ELMOD3: variants seen among roughly 807,000 people sequenced by gnomAD.
ELMOD3 encodes the protein ELMO domain-containing protein 3.
In ELMOD3, 36 loss-of-function variants were observed where a neutral mutation model predicts 47.4. The observed-to-expected ratio is 0.76, with a 90% CI of 0.58 to 1.00. ELMOD3 has a LOEUF of 1.00. ELMOD3 is among the 50% of genes least tolerant of loss of function. The pLI is 0.00. For synonymous variants in ELMOD3, 149 were observed against 183.5 expected, an observed-to-expected ratio of 0.81 and a Z score of 1.52; for missense variants, 404 against 463.8, an observed-to-expected ratio of 0.87 and a Z score of 1.18.
intron 13 of ELMOD3, 182 bp from the exon 14 acceptor site, chr2:85,390,578 T>C: frequency 6.5e-7 from 1 of 1,544,044 alleles, no homozygotes; most frequent in East Asian, 2.3e-5. Context: ...GTGTGGTCCC[T>C]GTGGCTGTAG....
At chr2:85,375,393 C>T (rs1003714283) in intron 10 of ELMOD3, among the ~76,000 whole-genome samples, 1 of 152,134 alleles carries the variant, frequency 6.6e-6, no homozygotes, top group African/African-American at 2.4e-5. Flanking sequence ...TTTTCTGTCC[C>T]TCTGTTGTTC....
chr2:85,389,526 G>A (rs1362823954), intron 11 of ELMOD3: 1 of 587,434 alleles, frequency 1.7e-6, no homozygotes, highest in African/African-American at 1.9e-5. Context: ...AACCTCAGTT[G>A]GTATCCTGGT....
At chr2:85,381,884 G>A (rs145912999) in intron 11 of ELMOD3, among the ~76,000 whole-genome samples, 7,944 of 152,142 alleles carry the variant, frequency 0.052, 241 homozygotes, top group East Asian at 0.089. Context: ...TTGGGAGGCC[G>A]AGGCAGGCAG....
At chr2:85,388,997 A>G (rs1327688871) in intron 11 of ELMOD3, among the ~76,000 whole-genome samples, 1 of 152,226 alleles carries the variant, frequency 6.6e-6, no homozygotes, top group Non-Finnish European at 1.5e-5. Flanking sequence ...CATGTCTGCA[A>G]GTTCCCTGAA....
At chr2:85,363,987 G>C (rs1684164701) in intron 6 of ELMOD3, among the ~76,000 whole-genome samples, 2 of 152,084 alleles carry the variant, frequency 1.3e-5, no homozygotes, top group Non-Finnish European at 2.9e-5. Context: ...AAATTAGCCA[G>C]GTGTAGTGGT....
intron 11 of ELMOD3, among the ~76,000 whole-genome samples, chr2:85,383,069 A>G (rs1685694503): frequency 8.3e-6 from 1 of 119,922 alleles, no homozygotes; most frequent in Non-Finnish European, 1.7e-5. Context: ...AGCAAGTAAA[A>G]CTCCAAAAAA....
At chr2:85,358,862 G>A (rs1020901701) in intron 4 of ELMOD3, among the ~76,000 whole-genome samples, 1 of 152,176 alleles carries the variant, frequency 6.6e-6, no homozygotes, top group Non-Finnish European at 1.5e-5. Flanking sequence ...TGGAGACAAA[G>A]CTACTGCTTC....
At chr2:85,390,683 G>A in intron 13 of ELMOD3, 77 bp from the exon 14 acceptor site, 1 of 1,523,090 alleles carries the variant, frequency 6.6e-7, no homozygotes, top group Admixed American at 2.1e-5. Flanking sequence ...CCCTAGAGCT[G>A]CTAGGCTTGA....
chr2:85,364,804 C>T lies in ELMOD3; in HGVS notation c.199+1638C>T, dbSNP rs1269854747. Among the ~76,000 whole-genome samples, 333 of 78,092 alleles carry T rather than the reference C, an allele frequency of 4.3e-3. 6 individuals carry two copies. Among genetic ancestry groups the T allele is most frequent in the African/African-American group, 0.018 (315 of 17,036 alleles). The allele number at this position is 78,092 out of a possible 152,430, so 51.2% of individuals were successfully genotyped here. ...ACATTAATAATTTTTACTTTAAATA[C>T]ATATATATATATATATATATATTTT... On this transcript the variant is annotated intron_variant, in intron 6 of 13. Transcript: ENST00000409013.
chr2:85,358,622 C>G (rs1431539878), intron 4 of ELMOD3, among the ~76,000 whole-genome samples: 1 of 152,030 alleles, frequency 6.6e-6, no homozygotes, highest in East Asian at 1.9e-4. Flanking sequence ...GGTGTTTTGG[C>G]CTCCATCCTT....
At chr2:85,390,455 T>C (rs1450000621) in intron 13 of ELMOD3, 190 bp downstream of exon 13, 6 of 1,614,058 alleles carry the variant, frequency 3.7e-6, no homozygotes, top group African/African-American at 1.3e-5. Flanking sequence ...GCCCTGACTG[T>C]CGCCCTTTTC....
rs183307680 is a variant in ELMOD3, at chr2:85,369,943, G to A, written c.360+113G>A. ...CAAGCAAATCTCCCCTAAGATCTTG[G>A]TGCCCAGGATCATGGGTGGCCTAGG... On this transcript the variant is annotated intron_variant, in intron 8 of 13. Coordinates refer to ENST00000409013, the MANE Select transcript of ELMOD3 (RefSeq NM_001135022.2). 2.2e-3 allele frequency: 2,967 copies of A among 1,349,908 alleles called. 5 individuals are homozygous for A. The highest frequency in any genetic ancestry group is 2.9e-3 in the Admixed American group (122 of 41,942). 83.6% of individuals were successfully genotyped at this position (1,349,908 alleles called of 1,614,324 possible).
Position 85,372,544 on chromosome 2 carries a change from G to A in ELMOD3, c.607+982G>A, listed in dbSNP as rs1684868187. ...TATCATATATTATTTTACTTTCTGA[G>A]TGAAACAGAATCATTTCACCAGTTT... is the stretch of plus-strand genomic sequence containing the variant. On this transcript the variant is annotated intron_variant, in intron 10 of 13. Coordinates refer to ENST00000409013, the MANE Select transcript of ELMOD3 (RefSeq NM_001135022.2). 2.6e-5 allele frequency: 4 copies of A among 152,192 alleles called. No homozygotes were observed. In the South Asian group the frequency reaches 8.3e-4, roughly 32 times the overall value. 9.4% of individuals were successfully genotyped at this position (152,192 alleles called of 1,614,324 possible).
Position 85,390,900 on chromosome 2 carries a change from C to G in ELMOD3, c.1084C>G (p.Leu362Val). ...YGPEAPPFKDLTFTGESDLQS... is the reference protein window; with the variant it reads ...YGPEAPPFKDVTFTGESDLQS... ...GCCAGAAGCCCCTCCCTTCAAGGAT[C>G]TCACCTTCACAGGTGAGAGTGACCT... The change falls in exon 14 of 14, where the codon CTC becomes GTC. Residue 362 changes from leucine (L) to valine (V), a missense_variant. Transcript: ENST00000409013. 1.3e-6 allele frequency: 2 copies of G among 1,551,730 alleles called. No individual in the cohort carries two copies. Among genetic ancestry groups the G allele is most frequent in the Non-Finnish European group, 1.7e-6 (2 of 1,147,004 alleles).
In ELMOD3 at chr2:85,368,713, A is replaced by G; in HGVS notation, c.227A>G (p.Gln76Arg). 2 of 1,614,134 alleles carry G rather than the reference A, an allele frequency of 1.2e-6. No homozygotes were observed. The highest frequency in any genetic ancestry group is 1.1e-5 in the South Asian group (1 of 91,080). ...GTGAGTACAGAGGTGGTCAGAGCCC[A>G]AGAAGAATGGGAAGCTGTGGACACC... ...RVVSTEVVRA[Q>R]EEWEAVDTIQ... Residue 76 changes from glutamine (Q) to arginine (R), a missense_variant, in exon 7 of 14, where the codon CAA becomes CGA. Transcript: ENST00000409013.
At chr2:85,374,404 T>C (rs1437435846) in intron 10 of ELMOD3, among the ~76,000 whole-genome samples, 2 of 152,142 alleles carry the variant, frequency 1.3e-5, no homozygotes, top group African/African-American at 4.8e-5. Flanking sequence ...TGCAGTGGCA[T>C]GATCTCAGCT....
intron 11 of ELMOD3, among the ~76,000 whole-genome samples, chr2:85,379,430 C>T (rs2104666453): frequency 6.6e-6 from 1 of 152,318 alleles, no homozygotes; most frequent in East Asian, 1.9e-4. Flanking sequence ...TGGTCTCGAG[C>T]TCCAGACCTC....
At chr2:85,372,915 A>G (rs1399175523) in intron 10 of ELMOD3, 2 of 150,412 alleles carry the variant, frequency 1.3e-5, no homozygotes, top group African/African-American at 2.4e-5. Flanking sequence ...AAAAAGACAA[A>G]ACCATATCAA....
chr2:85,364,825 A>ATTTTTTTTTTTTTTTTTTTT (rs869054374), intron 6 of ELMOD3, among the ~76,000 whole-genome samples: 1 of 69,892 alleles, frequency 1.4e-5, no homozygotes, highest in African/African-American at 6.7e-5. Flanking sequence ...ATATATATAT[A>ATTTTTTTTTTTTTTTTTTTT]TTTTTTTTTT....
Sources: gnomAD v4.1 joint callset for allele counts (sites outside exome capture counted in the v4.1 genomes callset) on GRCh38, gnomAD v4.1.1 for gene constraint, MANE v1.5 for transcripts, NCBI Gene and HGNC (gene_info 2026-07-23, HGNC 2026-07-21) for gene names.